PDS5A: variants seen among roughly 807,000 people sequenced by gnomAD.
PDS5A encodes PDS5 cohesin associated factor A.
A neutral mutation model predicts 167.1 loss-of-function variants in PDS5A; 42 were observed. That is an observed-to-expected ratio of 0.25 (90% CI 0.20 to 0.33). The LOEUF is 0.33. Among genes scored for constraint, PDS5A ranks in the 10% least tolerant of loss-of-function variants. The pLI, the probability that PDS5A is intolerant of heterozygous loss-of-function variation, is 1.00. For missense variants in PDS5A, 1,033 were observed against 1,605.9 expected (o/e 0.64, Z 6.10); for synonymous variants, 553 against 554.6 (o/e 1.00, Z 0.04).
At chr4:39,899,931 A>G (rs76052257) in intron 14 of PDS5A, among the ~76,000 whole-genome samples, 16,474 of 149,428 alleles carry the variant, frequency 0.11, 978 homozygotes, top group African/African-American at 0.17. Context: ...GTCTGTTTAT[A>G]TGGTCCCCTG....
intron 11 of PDS5A, among the ~76,000 whole-genome samples, chr4:39,904,673 A>G (rs1167942897): frequency 6.6e-6 from 1 of 152,190 alleles, no homozygotes; most frequent in African/African-American, 2.4e-5. Context: ...AAATTTTCCA[A>G]TGCAAATATT....
At position 39,908,549 on chromosome 4, in the gene PDS5A, A is replaced by C; in HGVS notation, c.1088-9T>G. On this transcript the variant is annotated splice_polypyrimidine_tract_variant and intron_variant, in intron 10 of 32. Transcript: ENST00000303538. The stretch of plus-strand genomic sequence containing the variant: ...TCTAACCTTTAAATATTCTGTAATA[A>C]GAGAAAAAAAACTTAGGCTAAATGT... 6.6e-7 allele frequency: 1 copy of C among 1,507,744 alleles called. No individual in the cohort carries two copies. The highest frequency in any genetic ancestry group is 9.1e-7 in the Non-Finnish European group (1 of 1,100,712). The allele number at this position is 1,507,744 out of a possible 1,614,324, so 93.4% of individuals were successfully genotyped here.
At chr4:39,840,631 G>C (rs1716909251) in intron 31 of PDS5A, among the ~76,000 whole-genome samples, 1 of 151,258 alleles carries the variant, frequency 6.6e-6, no homozygotes, top group African/African-American at 2.4e-5. Flanking sequence ...CCTGACCTCA[G>C]GCGATTTGCC....
intron 16 of PDS5A, 166 bp downstream of exon 16, chr4:39,898,223 G>T: frequency 7.7e-7 from 1 of 1,290,594 alleles, no homozygotes; most frequent in African/African-American, 1.5e-5. Flanking sequence ...GGCTGAGAGT[G>T]AATGGTAAAT....
Position 39,977,733 on chromosome 4 carries a change from G to A in PDS5A, c.-317C>T, listed in dbSNP as rs896037673. On this transcript the variant is annotated 5_prime_UTR_variant, in exon 1 of 33. Coordinates refer to ENST00000303538, the MANE Select transcript of PDS5A (RefSeq NM_001100399.2). This position sits in a 1 kb window ranked among gnomAD's most constrained non-coding sequence, Gnocchi z 4.2. ...CAGCCTCGAAGGCTCCTCCGGGAGT[G>A]TGTGCGCTTGTGTCCGTCCGGGACC... 4.7e-5 allele frequency: 7 copies of A among 149,512 alleles called. No homozygotes were observed. Among genetic ancestry groups the A allele is most frequent in the Middle Eastern group, 6.8e-3 (2 of 292 alleles). The allele number at this position is 149,512 out of a possible 1,614,324, so 9.3% of individuals were successfully genotyped here.
intron 31 of PDS5A, 136 bp from the exon 32 acceptor site, chr4:39,838,344 G>A (rs1716625792): frequency 3.1e-6 from 2 of 650,586 alleles, no homozygotes; most frequent in Non-Finnish European, 5.2e-6. Context: ...CATCACATTA[G>A]GAAAGTAAGC....
chr4:39,874,091 G>A (rs1720270803), intron 20 of PDS5A, among the ~76,000 whole-genome samples, 198 bp downstream of exon 20: 1 of 152,078 alleles, frequency 6.6e-6, no homozygotes, highest in African/African-American at 2.4e-5. Flanking sequence ...AATATGAGGT[G>A]TTTGAACATA....
At chr4:39,956,312 T>C (rs1457399828) in intron 2 of PDS5A, among the ~76,000 whole-genome samples, 1 of 151,316 alleles carries the variant, frequency 6.6e-6, no homozygotes, top group Admixed American at 6.6e-5. Flanking sequence ...GCCAACATGC[T>C]GAAACCCTAT....
chr4:39,929,840 G>C (rs1422084771), intron 2 of PDS5A, among the ~76,000 whole-genome samples: 1 of 150,426 alleles, frequency 6.6e-6, no homozygotes, highest in Non-Finnish European at 1.5e-5. Flanking sequence ...ATGCCTCCCA[G>C]ACTCAAGTGG....
At chr4:39,972,444 C>T (rs1055269684) in intron 2 of PDS5A, among the ~76,000 whole-genome samples, 36 of 152,224 alleles carry the variant, frequency 2.4e-4, no homozygotes, top group African/African-American at 8.4e-4. Flanking sequence ...CGCTTGAACC[C>T]GGGAGGCGGA....
At chr4:39,895,409 T>C (rs2109634933) in intron 16 of PDS5A, among the ~76,000 whole-genome samples, 1 of 151,940 alleles carries the variant, frequency 6.6e-6, no homozygotes, top group African/African-American at 2.4e-5. Context: ...AGGGTAAAAA[T>C]ATAAAAGATA....
At chr4:39,848,557 T>C (rs937279482) in intron 28 of PDS5A, 1 of 319,054 alleles carries the variant, frequency 3.1e-6, no homozygotes, top group African/African-American at 2.2e-5. Flanking sequence ...ATTTTTCTTA[T>C]CTGCAAAAAT....
At chr4:39,918,156 A>AT (rs1232646487) in intron 7 of PDS5A, among the ~76,000 whole-genome samples, 3 of 138,856 alleles carry the variant, frequency 2.2e-5, no homozygotes, top group Non-Finnish European at 4.6e-5. Context: ...CTCCTCCTGC[A>AT]TGGGAGACAG....
intron 1 of PDS5A, among the ~76,000 whole-genome samples, 173 bp from the exon 2 acceptor site, chr4:39,976,790 C>T (rs937426060): frequency 1.1e-4 from 16 of 152,242 alleles, no homozygotes; most frequent in Non-Finnish European, 1.8e-4. Flanking sequence ...CCCCGCCAAC[C>T]CGGCCCTGCC....
intron 32 of PDS5A, among the ~76,000 whole-genome samples, chr4:39,830,475 A>G (rs536768358): frequency 7.2e-5 from 11 of 152,262 alleles, no homozygotes; most frequent in Admixed American, 7.2e-4. Flanking sequence ...CCCAGGATGG[A>G]GTGCACTGGC....
chr4:39,829,739 CAGG>C (rs1257406859), intron 32 of PDS5A, among the ~76,000 whole-genome samples: 3 of 151,444 alleles, frequency 2.0e-5, no homozygotes, highest in Non-Finnish European at 4.4e-5. Flanking sequence ...ATCACAAGGT[CAGG>C]AGATCAAGAC....
intron 2 of PDS5A, among the ~76,000 whole-genome samples, chr4:39,943,300 A>G (rs1043895828): frequency 1.3e-5 from 2 of 152,176 alleles, no homozygotes; most frequent in Non-Finnish European, 1.5e-5. Flanking sequence ...GAAAAATTCA[A>G]TGACCTGTTT....
intron 31 of PDS5A, among the ~76,000 whole-genome samples, chr4:39,841,400 G>C (rs1157538166): frequency 2.6e-5 from 4 of 152,240 alleles, no homozygotes; most frequent in Admixed American, 2.6e-4. Flanking sequence ...GCCTCCCAAA[G>C]TGCTGGGATT....
In PDS5A at chr4:39,922,767, AAG is replaced by A. The variant is rs1725104950; in HGVS notation, c.528-21_528-20del. ...GCTATTGCTATAAAAAAAAAAAAAA[AAG>A]AATAAGTAGTAGGAGGAGGAAAAGA... On this transcript the variant is annotated intron_variant, in intron 5 of 32. Transcript: ENST00000303538. 6 of 1,460,022 alleles carry A rather than the reference AAG, an allele frequency of 4.1e-6. No homozygotes were observed. The highest frequency in any genetic ancestry group is 4.5e-6 in the Non-Finnish European group (5 of 1,103,896). The allele number at this position is 1,460,022 out of a possible 1,614,324, so 90.4% of individuals were successfully genotyped here. A position where few individuals can be genotyped will look rare whatever the true frequency, so the allele number is the denominator to read the frequency against.
Sources: allele counts gnomAD v4.1 joint callset (sites outside exome capture counted in the v4.1 genomes callset), GRCh38; gene constraint gnomAD v4.1.1; non-coding constraint Gnocchi (gnomAD v3.1); transcripts MANE v1.5; gene names NCBI Gene and HGNC (gene_info 2026-07-23, HGNC 2026-07-21).